The following ATP8A2 variants were observed in gnomAD, a reference collection of about 807,000 sequenced individuals.
The protein encoded by ATP8A2 is phospholipid-transporting ATPase IB.
In ATP8A2, 100 loss-of-function variants were observed where a neutral mutation model predicts 165.6. The ratio of observed to expected loss-of-function variants is 0.60; its 90% CI spans 0.51 to 0.71. The LOEUF (loss-of-function observed/expected upper bound fraction) is 0.71. Among genes scored for constraint, ATP8A2 ranks in the 30% least tolerant of loss-of-function variants. The pLI is 0.00. For synonymous variants in ATP8A2, 543 were observed against 548.8 expected (o/e 0.99, Z 0.15); for missense variants, 1,227 against 1,479.5 (o/e 0.83, Z 2.80).
At position 25,648,858 on chromosome 13, in the gene ATP8A2, G is replaced by C. The variant is rs76886093; in HGVS notation, c.2212-50315G>C. On this transcript the variant is annotated intron_variant, in intron 24 of 36. Coordinates refer to ENST00000381655, the MANE Select transcript of ATP8A2 (RefSeq NM_016529.6). ...TGTGGGTTTTGTATTGTTTCTTTCTGAATATTCTTGATCTGCTGTTGGTTG... is the reference window on the plus strand; with the variant it reads ...TGTGGGTTTTGTATTGTTTCTTTCTCAATATTCTTGATCTGCTGTTGGTTG... Among the ~76,000 whole-genome samples, 2,611 of 152,076 alleles carry C rather than the reference G, an allele frequency of 0.017. 197 individuals carry two copies. In the East Asian group the frequency reaches 0.24, roughly 14 times the overall value.
chr13:25,693,840 C>T (rs557933996), intron 24 of ATP8A2, among the ~76,000 whole-genome samples: 1 of 152,198 alleles, frequency 6.6e-6, no homozygotes, highest in South Asian at 2.1e-4. Context: ...CAAGGGTGTG[C>T]CACCACACTT....
chr13:25,947,735 G>A (rs569693596), intron 33 of ATP8A2, among the ~76,000 whole-genome samples: 7 of 152,302 alleles, frequency 4.6e-5, no homozygotes, highest in South Asian at 2.1e-4. Flanking sequence ...TCCTGGGGCC[G>A]TGACTCAAGC....
chr13:25,701,891 A>T (rs1194368755), intron 25 of ATP8A2, among the ~76,000 whole-genome samples: 1 of 152,150 alleles, frequency 6.6e-6, no homozygotes, highest in African/African-American at 2.4e-5. Flanking sequence ...TTCAAATTAA[A>T]TACTGTTACA....
At chr13:25,726,805 A>G (rs559945369) in intron 25 of ATP8A2, among the ~76,000 whole-genome samples, 1 of 152,314 alleles carries the variant, frequency 6.6e-6, no homozygotes, top group East Asian at 1.9e-4. Context: ...GAAAGGATAT[A>G]GGAATTATCA....
At chr13:25,523,793 T>A (rs2037746392) in intron 2 of ATP8A2, among the ~76,000 whole-genome samples, 1 of 152,144 alleles carries the variant, frequency 6.6e-6, no homozygotes, top group African/African-American at 2.4e-5. Context: ...TCAATTTTGC[T>A]TATCTTTTCA....
In ATP8A2 at chr13:25,937,766, A is replaced by T. The variant is rs888400813; in HGVS notation, c.3184-23809A>T. Reference sequence around the variant, plus strand: ...TGGGAGGCTGAGGCAGGAGAATGGCATGAACCCGGGAGGCGGAGCTTGTAG... The same window carrying T: ...TGGGAGGCTGAGGCAGGAGAATGGCTTGAACCCGGGAGGCGGAGCTTGTAG... On this transcript the variant is annotated intron_variant, in intron 33 of 36. Transcript: ENST00000381655. 2.0e-5 allele frequency among the ~76,000 whole-genome samples: 3 copies of T among 148,912 alleles called. No homozygotes were observed. In the East Asian group the frequency reaches 6.1e-4, roughly 30 times the overall value.
At chr13:25,607,172 C>G (rs1486892163) in intron 24 of ATP8A2, among the ~76,000 whole-genome samples, 1 of 152,180 alleles carries the variant, frequency 6.6e-6, no homozygotes, top group African/African-American at 2.4e-5. Flanking sequence ...ACAGTTTCAT[C>G]TTGAAACCAT....
chr13:25,565,840 A>G (rs1336619562), intron 16 of ATP8A2, among the ~76,000 whole-genome samples: 1 of 152,012 alleles, frequency 6.6e-6, no homozygotes, highest in Non-Finnish European at 1.5e-5. Context: ...CTAGAAGGGT[A>G]ATTCACTGTT....
intron 33 of ATP8A2, among the ~76,000 whole-genome samples, chr13:25,897,913 GA>G (rs1484722910): frequency 3.9e-5 from 6 of 152,128 alleles, no homozygotes; most frequent in African/African-American, 1.2e-4. Flanking sequence ...TCTCTGCATT[GA>G]TTATTTTAGT....
At chr13:25,711,657 ATT>A (rs1299012124) in intron 25 of ATP8A2, among the ~76,000 whole-genome samples, 4 of 152,196 alleles carry the variant, frequency 2.6e-5, no homozygotes, top group Admixed American at 6.5e-5. Flanking sequence ...TAATACTTCA[ATT>A]TAGCACATGT....
chr13:25,961,665 T>TCC lies in ATP8A2; in HGVS notation c.3272+2_3272+3insCC. 1 of 1,610,278 alleles carries TCC rather than the reference T, an allele frequency of 6.2e-7. No individual in the cohort carries two copies. The highest frequency in any genetic ancestry group is 2.2e-5 in the East Asian group (1 of 44,872). On this transcript the variant is annotated splice_region_variant and intron_variant, in intron 34 of 36. Transcript: ENST00000381655. ...GATTGAAGATGTGGCATGGAGAGCG[T>TCC]AAGTTTAACAGTGAAGCGGGGACCC...
chr13:25,713,775 T>C (rs989937393), intron 25 of ATP8A2, among the ~76,000 whole-genome samples: 1 of 152,016 alleles, frequency 6.6e-6, no homozygotes, highest in African/African-American at 2.4e-5. Flanking sequence ...CAACGTGCCA[T>C]GTTCTGGGTC....
intron 2 of ATP8A2, among the ~76,000 whole-genome samples, chr13:25,509,360 T>C (rs1246400503): frequency 6.6e-6 from 1 of 152,156 alleles, no homozygotes; most frequent in Non-Finnish European, 1.5e-5. Context: ...CAATTAAAAA[T>C]AATTGATCAA....
At chr13:25,441,067 T>C (rs1382431348) in intron 1 of ATP8A2, among the ~76,000 whole-genome samples, 2 of 152,212 alleles carry the variant, frequency 1.3e-5, no homozygotes, top group South Asian at 2.1e-4. Flanking sequence ...AAACTCCTGA[T>C]TGGGGATCAG....
chr13:25,905,315 T>C (rs2138968592), intron 33 of ATP8A2, among the ~76,000 whole-genome samples: 1 of 152,250 alleles, frequency 6.6e-6, no homozygotes, highest in South Asian at 2.1e-4. Flanking sequence ...AAACGATAAG[T>C]TTTTCTCTTC....
intron 25 of ATP8A2, among the ~76,000 whole-genome samples, chr13:25,743,872 T>C (rs74037422): frequency 0.028 from 4,332 of 152,324 alleles, 200 homozygotes; most frequent in African/African-American, 0.098. Flanking sequence ...GCATACTCTC[T>C]GTTAGCCATT....
intron 24 of ATP8A2, among the ~76,000 whole-genome samples, chr13:25,606,837 C>T (rs1404776388): frequency 1.3e-5 from 2 of 152,124 alleles, no homozygotes; most frequent in East Asian, 1.9e-4. Flanking sequence ...GAGGAACTAT[C>T]AATTTTAAGT....
At chr13:25,873,630 CT>C (rs1712850707) in intron 33 of ATP8A2, among the ~76,000 whole-genome samples, 1 of 150,844 alleles carries the variant, frequency 6.6e-6, no homozygotes, top group African/African-American at 2.4e-5. Flanking sequence ...TTTTTACCCC[CT>C]AAGTATCTCT....
rs114922486 is a variant in ATP8A2 at position 25,711,151 on chromosome 13, C to T, written c.2384+11806C>T. Among the ~76,000 whole-genome samples, 843 of 152,092 alleles carry T rather than the reference C, an allele frequency of 5.5e-3. 9 individuals carry two copies. The highest frequency in any genetic ancestry group is 0.02 in the African/African-American group (811 of 41,458). Reference sequence around the variant, plus strand: ...CCGTAGTAGCTGGGATTACAGGGGGCGTGCCACCACACCCAGCTAATTTTT... The same window carrying T: ...CCGTAGTAGCTGGGATTACAGGGGGTGTGCCACCACACCCAGCTAATTTTT... On this transcript the variant is annotated intron_variant, in intron 25 of 36. Transcript: ENST00000381655.
Sources: allele counts gnomAD v4.1 joint callset (sites outside exome capture counted in the v4.1 genomes callset), GRCh38; gene constraint gnomAD v4.1.1; transcripts MANE v1.5; gene names NCBI Gene and HGNC (gene_info 2026-07-23, HGNC 2026-07-21).